Variants in EYS observed in about 807,000 individuals in gnomAD.
The protein encoded by EYS is EGF-like photoreceptor maintenance factor.
In EYS, 250 loss-of-function variants were observed where a neutral mutation model predicts 282.1. The ratio of observed to expected loss-of-function variants is 0.89; its 90% confidence interval spans 0.80 to 0.98. The LOEUF is 0.98. Among genes scored for constraint, EYS ranks in the 50% least tolerant of loss-of-function variants. The pLI, the probability that EYS is intolerant of heterozygous loss-of-function variation, is 0.00. For synonymous variants in EYS, 1,355 were observed against 1,282.9 expected (o/e 1.06, Z -1.20); for missense variants, 4,016 against 3,709.0 (o/e 1.08, Z -2.15).
At chr6:63,907,285 T>C (rs1335412697) in intron 35 of EYS, among the ~76,000 whole-genome samples, 1 of 152,218 alleles carries the variant, frequency 6.6e-6, no homozygotes, top group Non-Finnish European at 1.5e-5. Flanking sequence ...CTCCTTTGGC[T>C]TAAGTGGGGC....
chr6:64,167,201 G>A (rs1461048951), intron 31 of EYS, among the ~76,000 whole-genome samples: 2 of 152,028 alleles, frequency 1.3e-5, no homozygotes, highest in African/African-American at 4.8e-5. Context: ...CATACCGCAA[G>A]GAATGATTAC....
At chr6:65,441,172 G>C (rs1169106021) in intron 5 of EYS, among the ~76,000 whole-genome samples, 1 of 151,114 alleles carries the variant, frequency 6.6e-6, no homozygotes, top group Non-Finnish European at 1.5e-5. Flanking sequence ...ATTTTTATTA[G>C]TATTTATTTT....
rs1177612529 is a variant in EYS at position 65,059,013 on chromosome 6, A to G, written c.2024-1286T>C. On this transcript the variant is annotated intron_variant, in intron 12 of 42. Transcript: ENST00000503581. ...TAATAGGAATCAACGTACTGGACTA[A>G]ATAGAAAATATCACTATTATCACTG... 3.3e-5 allele frequency among the ~76,000 whole-genome samples: 5 copies of G among 152,254 alleles called. No homozygotes were observed. The South Asian group carries it at 1.0e-3, about 32-fold the overall frequency.
intron 14 of EYS, among the ~76,000 whole-genome samples, chr6:64,983,873 A>G (rs188072931): frequency 3.3e-5 from 5 of 151,466 alleles, no homozygotes; most frequent in South Asian, 4.1e-4. Flanking sequence ...AGTCTTTGGC[A>G]CAAGTTTACA....
At chr6:65,380,625 T>A (rs1452601717) in intron 8 of EYS, among the ~76,000 whole-genome samples, 4 of 151,934 alleles carry the variant, frequency 2.6e-5, no homozygotes, top group African/African-American at 4.8e-5. Flanking sequence ...ACAAATGGGA[T>A]CTAATCAAAA....
Position 64,821,736 on chromosome 6 carries a change from A to C in EYS, c.3165-13T>G. On this transcript the variant is annotated splice_polypyrimidine_tract_variant and intron_variant, in intron 20 of 42. Transcript: ENST00000503581. ...AAGTTCTGTGCACCTGAAACACAGA[A>C]TTAGAATTACATTTTCAAATAAGTA... 1.4e-6 allele frequency: 2 copies of C among 1,424,952 alleles called. No homozygotes were observed. Among genetic ancestry groups the C allele is most frequent in the Non-Finnish European group, 1.9e-6 (2 of 1,040,130 alleles). The allele number at this position is 1,424,952 out of a possible 1,614,324, so 88.3% of individuals were successfully genotyped here.
At chr6:64,205,157 G>T (rs950502487) in intron 31 of EYS, among the ~76,000 whole-genome samples, 2 of 152,098 alleles carry the variant, frequency 1.3e-5, no homozygotes, top group Non-Finnish European at 2.9e-5. Flanking sequence ...TTCACAGAGG[G>T]ATTGCTTAAA....
intron 31 of EYS, among the ~76,000 whole-genome samples, chr6:64,156,711 G>T (rs1774933881): frequency 6.6e-6 from 1 of 152,136 alleles, no homozygotes; most frequent in African/African-American, 2.4e-5. Context: ...CTCTTGTTAT[G>T]TTTTAGCAAA....
intron 35 of EYS, among the ~76,000 whole-genome samples, chr6:63,977,247 C>G (rs969036307): frequency 2.0e-5 from 3 of 151,846 alleles, no homozygotes; most frequent in Non-Finnish European, 4.4e-5. Flanking sequence ...ATCAAATTAG[C>G]ATAATTGGAA....
intron 24 of EYS, among the ~76,000 whole-genome samples, chr6:64,616,382 C>G (rs1767276198): frequency 6.6e-6 from 1 of 151,980 alleles, no homozygotes; most frequent in South Asian, 2.1e-4. Context: ...TAGGGCAAAT[C>G]CAAAATTAGA....
chr6:64,467,326 T>C (rs750740024), intron 26 of EYS, among the ~76,000 whole-genome samples: 1 of 152,220 alleles, frequency 6.6e-6, no homozygotes, highest in Non-Finnish European at 1.5e-5. Flanking sequence ...ATAATGTCAG[T>C]AGGGCTAGAA....
At chr6:64,450,640 A>C (rs1027692510) in intron 26 of EYS, among the ~76,000 whole-genome samples, 2 of 152,206 alleles carry the variant, frequency 1.3e-5, no homozygotes, top group Non-Finnish European at 1.5e-5. Flanking sequence ...AAAAGAACAG[A>C]AATGATAACA....
intron 33 of EYS, among the ~76,000 whole-genome samples, chr6:64,046,338 C>T (rs763508766): frequency 5.9e-5 from 9 of 151,786 alleles, no homozygotes; most frequent in Non-Finnish European, 1.0e-4. Context: ...GTCTCCTGTC[C>T]GTATCTATCT....
intron 31 of EYS, among the ~76,000 whole-genome samples, chr6:64,151,548 G>C (rs546501332): frequency 2.0e-5 from 3 of 151,182 alleles, no homozygotes; most frequent in African/African-American, 7.3e-5. Flanking sequence ...TTTTAGTAGA[G>C]ACGGGGTTTC....
intron 14 of EYS, among the ~76,000 whole-genome samples, chr6:64,988,753 A>G (rs979252367): frequency 4.0e-5 from 6 of 151,682 alleles, no homozygotes; most frequent in African/African-American, 1.4e-4. Context: ...CAGTCTTCAT[A>G]ATAGGTATTT....
At chr6:64,540,741 C>T (rs897917231) in intron 26 of EYS, among the ~76,000 whole-genome samples, 1 of 152,160 alleles carries the variant, frequency 6.6e-6, no homozygotes, top group African/African-American at 2.4e-5. Flanking sequence ...GCCTCGGCCT[C>T]CCAAAGTGCT....
chr6:64,260,836 T>A (rs908797564), intron 30 of EYS, among the ~76,000 whole-genome samples: 1 of 152,032 alleles, frequency 6.6e-6, no homozygotes, highest in Non-Finnish European at 1.5e-5. Context: ...TTTTAAAAAA[T>A]TTTAACTTCT....
chr6:64,758,197 G>T (rs1773020462), intron 22 of EYS, among the ~76,000 whole-genome samples: 1 of 151,990 alleles, frequency 6.6e-6, no homozygotes, highest in African/African-American at 2.4e-5. Flanking sequence ...AGGGATCCTG[G>T]GAAAAACCCC....
At chr6:64,461,737 T>A (rs1323947259) in intron 26 of EYS, among the ~76,000 whole-genome samples, 2 of 152,196 alleles carry the variant, frequency 1.3e-5, no homozygotes, top group Admixed American at 1.3e-4. Flanking sequence ...CTAGTTTGAA[T>A]GTGGACTCAT....
Sources: allele counts gnomAD v4.1 joint callset (sites outside exome capture counted in the v4.1 genomes callset), GRCh38; gene constraint gnomAD v4.1.1; transcripts MANE v1.5; gene names NCBI Gene and HGNC (gene_info 2026-07-23, HGNC 2026-07-21).